The following TGFA variants were observed in gnomAD, a reference collection of about 807,000 sequenced individuals.
TGFA encodes the protein protransforming growth factor alpha.
In TGFA, 12 loss-of-function variants were observed where a neutral mutation model predicts 21.7. The ratio of observed to expected loss-of-function variants is 0.55; its 90% CI spans 0.35 to 0.90. TGFA has a LOEUF of 0.90. Among genes scored for constraint, TGFA ranks in the 40% least tolerant of loss-of-function variants. TGFA has a pLI of 0.01. For missense variants in TGFA, 178 were observed against 210.8 expected, an observed-to-expected ratio of 0.84 and a Z score of 0.96; for synonymous variants, 79 against 88.1, an observed-to-expected ratio of 0.90 and a Z score of 0.58.
At chr2:70,477,874 A>C (rs1415691059) in intron 2 of TGFA, among the ~76,000 whole-genome samples, 3 of 152,230 alleles carry the variant, frequency 2.0e-5, no homozygotes, top group African/African-American at 7.2e-5. Context: ...CTGTTACAGC[A>C]GGGAGTGTTA....
rs534932428 is a variant in TGFA, at chr2:70,447,919, G to A, written c.*2940C>T. The A allele has an allele frequency of 4.6e-4, 70 of 152,184 alleles. No individual in the cohort carries two copies. Among genetic ancestry groups the A allele is most frequent in the Non-Finnish European group, 5.7e-4 (39 of 68,060 alleles). The allele number at this position is 152,184 out of a possible 1,614,324, so 9.4% of individuals were successfully genotyped here. On this transcript the variant is annotated 3_prime_UTR_variant, in exon 6 of 6. Transcript: ENST00000295400. ...CAAATTGACTGAAAAAGCAACTGGTGACCCATGTGCCCTCGAAAACCTGGC... is the reference window on the plus strand; with the variant it reads ...CAAATTGACTGAAAAAGCAACTGGTAACCCATGTGCCCTCGAAAACCTGGC...
At chr2:70,523,448 A>G (rs1455214465) in intron 1 of TGFA, among the ~76,000 whole-genome samples, 1 of 152,128 alleles carries the variant, frequency 6.6e-6, no homozygotes, top group Admixed American at 6.5e-5. Context: ...GCTCCCTATT[A>G]CAGCCCTTTC....
At chr2:70,503,356 T>C (rs1671796215) in intron 2 of TGFA, among the ~76,000 whole-genome samples, 1 of 138,630 alleles carries the variant, frequency 7.2e-6, no homozygotes, top group African/African-American at 2.8e-5. Flanking sequence ...TTCTCACTCA[T>C]AGGTGGGAAT....
At chr2:70,538,629 C>G (rs112398874) in intron 1 of TGFA, among the ~76,000 whole-genome samples, 199 of 152,148 alleles carry the variant, frequency 1.3e-3, no homozygotes, top group African/African-American at 4.7e-3. Context: ...AAGTAAAGCC[C>G]GAAGATGAGA....
chr2:70,548,168 A>T (rs1459660695), intron 1 of TGFA, among the ~76,000 whole-genome samples: 1 of 152,210 alleles, frequency 6.6e-6, no homozygotes, highest in Admixed American at 6.5e-5. Flanking sequence ...TTTCAGGATT[A>T]ACATGAACAC....
At chr2:70,485,524 T>C (rs1235325048) in intron 2 of TGFA, among the ~76,000 whole-genome samples, 1 of 152,226 alleles carries the variant, frequency 6.6e-6, no homozygotes, top group Non-Finnish European at 1.5e-5. Flanking sequence ...CTTTTAGTGT[T>C]TTATGAAATT....
At chr2:70,452,612 T>C (rs1574063543) in intron 5 of TGFA, among the ~76,000 whole-genome samples, 3 of 152,186 alleles carry the variant, frequency 2.0e-5, no homozygotes, top group African/African-American at 7.2e-5. Flanking sequence ...TTTATATCAG[T>C]ACTCCTCCAA....
chr2:70,451,922 T>C (rs1553489688), intron 5 of TGFA, among the ~76,000 whole-genome samples: 1 of 152,176 alleles, frequency 6.6e-6, no homozygotes, highest in Non-Finnish European at 1.5e-5. Flanking sequence ...TGAATGGATT[T>C]GCATCCTCAA....
At chr2:70,505,919 C>G (rs1216793843) in intron 2 of TGFA, among the ~76,000 whole-genome samples, 1 of 152,212 alleles carries the variant, frequency 6.6e-6, no homozygotes, top group African/African-American at 2.4e-5. Flanking sequence ...AAAGGAGATT[C>G]TGAACAAATC....
At chr2:70,536,525 C>T (rs1301668962) in intron 1 of TGFA, among the ~76,000 whole-genome samples, 1 of 152,088 alleles carries the variant, frequency 6.6e-6, no homozygotes, top group East Asian at 1.9e-4. Flanking sequence ...TGGAAATAAA[C>T]TAGAAATCAA....
At chr2:70,551,074 AATG>A (rs70956978) in intron 1 of TGFA, among the ~76,000 whole-genome samples, 1 of 151,858 alleles carries the variant, frequency 6.6e-6, no homozygotes, top group Non-Finnish European at 1.5e-5. Flanking sequence ...TAACAACAAC[AATG>A]ATGATGATGA....
intron 2 of TGFA, among the ~76,000 whole-genome samples, chr2:70,514,462 C>G (rs1314860408): frequency 6.7e-6 from 1 of 149,500 alleles, no homozygotes; most frequent in East Asian, 2.0e-4. Flanking sequence ...AAAACGTAAA[C>G]CAGAAAATAA....
intron 3 of TGFA, among the ~76,000 whole-genome samples, chr2:70,463,735 G>T (rs1670470425): frequency 6.6e-6 from 1 of 152,160 alleles, no homozygotes; most frequent in Admixed American, 6.5e-5. Context: ...TGGTGGGAGA[G>T]TACCTTCTGC....
At chr2:70,538,867 A>AATGC (rs1364070550) in intron 1 of TGFA, among the ~76,000 whole-genome samples, 1 of 152,210 alleles carries the variant, frequency 6.6e-6, no homozygotes, top group African/African-American at 2.4e-5. Context: ...CTATGAGTAA[A>AATGC]ATGCTATCAA....
intron 2 of TGFA, among the ~76,000 whole-genome samples, chr2:70,473,635 T>C (rs185004996): frequency 2.6e-4 from 40 of 151,678 alleles, no homozygotes; most frequent in Middle Eastern, 3.4e-3. Flanking sequence ...GAAATTGATC[T>C]CAAGTGTTAC....
chr2:70,548,465 G>A (rs1203586090), intron 1 of TGFA, among the ~76,000 whole-genome samples: 1 of 152,222 alleles, frequency 6.6e-6, no homozygotes, highest in Non-Finnish European at 1.5e-5. Context: ...CAGCCTGGTT[G>A]TTACCTAAAG....
intron 3 of TGFA, among the ~76,000 whole-genome samples, chr2:70,457,751 A>T (rs1219106895): frequency 8.5e-5 from 13 of 152,128 alleles, no homozygotes; most frequent in African/African-American, 3.1e-4. Context: ...CATGTTGGCC[A>T]CGCTGGTCTC....
At chr2:70,542,730 G>A (rs1553505333) in intron 1 of TGFA, among the ~76,000 whole-genome samples, 3 of 152,268 alleles carry the variant, frequency 2.0e-5, no homozygotes, top group South Asian at 2.1e-4. Context: ...ATCAGAAGTG[G>A]CATTGCTATA....
chr2:70,475,599 C>T (rs1397241496), intron 2 of TGFA, among the ~76,000 whole-genome samples: 2 of 152,078 alleles, frequency 1.3e-5, no homozygotes, highest in Admixed American at 1.3e-4. Context: ...AGATGACTCT[C>T]ATTTGGAAAA....
Sources: allele counts gnomAD v4.1 joint callset (sites outside exome capture counted in the v4.1 genomes callset), GRCh38; gene constraint gnomAD v4.1.1; transcripts MANE v1.5; gene names NCBI Gene and HGNC (gene_info 2026-07-23, HGNC 2026-07-21).